TMEM117: variants seen among roughly 807,000 people sequenced by gnomAD.
TMEM117 encodes transmembrane protein 117.
A neutral mutation model predicts 52.4 loss-of-function variants in TMEM117; 27 were observed. The observed-to-expected ratio is 0.51, with a 90% CI of 0.38 to 0.71. The LOEUF (loss-of-function observed/expected upper bound fraction) is 0.71, where lower values mean the gene tolerates loss of function less well. TMEM117 is among the 30% of genes least tolerant of loss of function. TMEM117 has a pLI of 0.00. For missense variants in TMEM117, 556 were observed against 630.5 expected (o/e 0.88, Z 1.26); for synonymous variants, 215 against 206.3 (o/e 1.04, Z -0.36).
intron 2 of TMEM117, among the ~76,000 whole-genome samples, chr12:43,922,682 C>A (rs10506232): frequency 0.17 from 26,250 of 152,018 alleles, 3,469 homozygotes; most frequent in African/African-American, 0.36. Flanking sequence ...TGTAACTTCA[C>A]ACAACATAGG....
intron 2 of TMEM117, among the ~76,000 whole-genome samples, chr12:43,883,581 T>C (rs1243795623): frequency 1.3e-5 from 2 of 152,168 alleles, no homozygotes; most frequent in African/African-American, 4.8e-5. Flanking sequence ...AGAATAGTTA[T>C]GAGTGGTTAT....
chr12:43,797,938 A>T, the TMEM117 span: 2 of 1,166,318 alleles, frequency 1.7e-6, no homozygotes, highest in South Asian at 1.7e-5. Flanking sequence ...ACCCTAGCCC[A>T]ACCTATAATT....
intron 5 of TMEM117, among the ~76,000 whole-genome samples, chr12:44,254,803 C>T (rs1308528333): frequency 1.3e-5 from 2 of 151,940 alleles, no homozygotes; most frequent in African/African-American, 4.8e-5. Context: ...AGCTATCCCT[C>T]CCCTCTCCCC....
chr12:43,846,993 A>G (rs187162822), intron 2 of TMEM117, among the ~76,000 whole-genome samples: 15 of 152,230 alleles, frequency 9.9e-5, no homozygotes, highest in East Asian at 7.7e-4. Context: ...ACACATATGT[A>G]TAGATGCACA....
At chr12:44,136,808 A>G (rs1429655449) in intron 3 of TMEM117, among the ~76,000 whole-genome samples, 1 of 152,144 alleles carries the variant, frequency 6.6e-6, no homozygotes, top group African/African-American at 2.4e-5. Context: ...TGATTTATTT[A>G]TATTCTAGCC....
chr12:44,185,829 C>G (rs1425531207), intron 4 of TMEM117, among the ~76,000 whole-genome samples: 1 of 150,682 alleles, frequency 6.6e-6, no homozygotes, highest in Non-Finnish European at 1.5e-5. Flanking sequence ...GAAGATGAAA[C>G]AGTTTATATA....
chr12:43,959,928 G>A (rs1030799497), intron 3 of TMEM117, among the ~76,000 whole-genome samples: 1 of 152,174 alleles, frequency 6.6e-6, no homozygotes, highest in Admixed American at 6.5e-5. Context: ...ACAGCATTTA[G>A]GGGTGGGTAA....
chr12:43,922,735 G>C (rs1944715667), intron 2 of TMEM117, among the ~76,000 whole-genome samples: 1 of 152,142 alleles, frequency 6.6e-6, no homozygotes, highest in Non-Finnish European at 1.5e-5. Context: ...GAAAATGCTG[G>C]TTAGTGTCTG....
intron 6 of TMEM117, among the ~76,000 whole-genome samples, chr12:44,307,655 G>C (rs1212623976): frequency 6.6e-6 from 1 of 152,194 alleles, no homozygotes; most frequent in South Asian, 2.1e-4. Context: ...GGGAGACAGA[G>C]TGTTCAGGGA....
intron 2 of TMEM117, among the ~76,000 whole-genome samples, chr12:43,943,252 A>G (rs911338130): frequency 5.3e-5 from 8 of 150,926 alleles, no homozygotes; most frequent in African/African-American, 1.5e-4. Context: ...TGTAGTTCCT[A>G]TATGCACATC....
At chr12:44,055,443 A>G (rs1947038625) in intron 3 of TMEM117, among the ~76,000 whole-genome samples, 1 of 152,212 alleles carries the variant, frequency 6.6e-6, no homozygotes, top group Non-Finnish European at 1.5e-5. Flanking sequence ...TAATGAAAAT[A>G]ATACAAATTC....
chr12:44,191,363 C>T (rs1949351204), intron 4 of TMEM117, among the ~76,000 whole-genome samples: 1 of 151,408 alleles, frequency 6.6e-6, no homozygotes, highest in South Asian at 2.1e-4. Flanking sequence ...ATCTATCTGT[C>T]TGTCTGTCTG....
the TMEM117 span, chr12:43,806,334 C>T: frequency 6.2e-6 from 8 of 1,286,336 alleles, no homozygotes; most frequent in Non-Finnish European, 7.8e-6. Context: ...CCTCCGCCGG[C>T]CCCGGCGCGT....
chr12:43,912,122 A>G (rs59628228), intron 2 of TMEM117, among the ~76,000 whole-genome samples: 8,783 of 150,240 alleles, frequency 0.058, 300 homozygotes, highest in Middle Eastern at 0.12. Context: ...GATAGACTGG[A>G]TTAAGAAAAT....
intron 6 of TMEM117, among the ~76,000 whole-genome samples, chr12:44,375,113 C>T (rs185688612): frequency 1.3e-4 from 20 of 152,102 alleles, no homozygotes; most frequent in African/African-American, 2.4e-5. Flanking sequence ...TGCACGTTAA[C>T]CTCAGCAATA....
intron 6 of TMEM117, among the ~76,000 whole-genome samples, chr12:44,372,380 A>G (rs780998846): frequency 7.4e-4 from 112 of 152,136 alleles, no homozygotes; most frequent in Non-Finnish European, 1.3e-3. Context: ...TAACACTTCT[A>G]TACAATCTGT....
intron 3 of TMEM117, among the ~76,000 whole-genome samples, chr12:44,032,829 CT>C: frequency 6.6e-6 from 1 of 152,190 alleles, no homozygotes; most frequent in Non-Finnish European, 1.5e-5. Context: ...CCTATTCAGC[CT>C]GAAGAAGTTA....
At chr12:44,299,557 A>T in intron 5 of TMEM117, 23 bp from the exon 6 acceptor site, 1 of 1,612,694 alleles carries the variant, frequency 6.2e-7, no homozygotes, top group Non-Finnish European at 8.5e-7. Context: ...TATGTTCTTT[A>T]ATGAGTGTCT....
chr12:44,089,594 A>G (rs528302308), intron 3 of TMEM117, among the ~76,000 whole-genome samples: 1 of 152,092 alleles, frequency 6.6e-6, no homozygotes, highest in African/African-American at 2.4e-5. Flanking sequence ...ACTTTTGCTC[A>G]TGTGACTCTC....
Sources: allele counts gnomAD v4.1 joint callset (sites outside exome capture counted in the v4.1 genomes callset), GRCh38; gene constraint gnomAD v4.1.1; transcripts MANE v1.5; gene names NCBI Gene and HGNC (gene_info 2026-07-23, HGNC 2026-07-21).